PLPPR4: variants seen among roughly 807,000 people sequenced by gnomAD.
PLPPR4 encodes the protein phospholipid phosphatase-related protein type 4.
Under a neutral mutation model 56.6 loss-of-function variants are expected in PLPPR4, and 24 were observed. The ratio of observed to expected loss-of-function variants is 0.42; its 90% CI spans 0.31 to 0.60. The LOEUF is 0.60. Ranked by LOEUF, PLPPR4 falls within the 20% of genes least tolerant of loss-of-function variation. The probability of loss-of-function intolerance (pLI) is 0.13; values close to 1 mark genes in which losing one functional copy is unlikely to be tolerated. For synonymous variants in PLPPR4, 326 were observed against 328.1 expected (o/e 0.99, Z 0.07); for missense variants, 654 against 885.8 (o/e 0.74, Z 3.32).
At chr1:99,278,255 T>C (rs1182836160) in intron 1 of PLPPR4, among the ~76,000 whole-genome samples, 4 of 152,136 alleles carry the variant, frequency 2.6e-5, no homozygotes, top group Non-Finnish European at 5.9e-5. Flanking sequence ...TATAACCTTA[T>C]ACAAATCATG....
At position 99,296,744 on chromosome 1, in the gene PLPPR4, G is replaced by A; in HGVS notation, c.271G>A (p.Val91Ile). 6.3e-7 allele frequency: 1 copy of A among 1,598,070 alleles called. No individual in the cohort carries two copies. The highest frequency in any genetic ancestry group is 8.5e-7 in the Non-Finnish European group (1 of 1,169,832). The change falls in exon 3 of 7, where the codon GTA becomes ATA. Residue 91 changes from valine (V) to isoleucine (I), a missense_variant. By Grantham distance (29) the Val-to-Ile change is conservative (BLOSUM62 3). Transcript: ENST00000370185. ...TACCCTTCTATCTTTGCAGATTATG[G>A]TAGGAGAAGGAATTCTCTACTGTTG... ...AFAGPAITIMVGEGILYCCLS... is the reference protein window; with the variant it reads ...AFAGPAITIMIGEGILYCCLS...
Position 99,306,016 on chromosome 1 carries a change from C to A in PLPPR4, c.1154C>A (p.Ala385Glu), listed in dbSNP as rs765976131. 3 of 1,614,138 alleles carry A rather than the reference C, an allele frequency of 1.9e-6. No individual in the cohort carries two copies. The highest frequency in any genetic ancestry group is 1.1e-5 in the South Asian group (1 of 91,078). Residue 385 changes from alanine (A) to glutamate (E), a missense_variant, in exon 7 of 7, where the codon GCG (alanine) becomes GAG (glutamate). Around this residue, in one of 2 missense-constraint regions of PLPPR4, gnomAD observed 468 missense variants for 554.3 expected, o/e 0.84. Coordinates refer to ENST00000370185, the MANE Select transcript of PLPPR4 (RefSeq NM_014839.5). The surrounding 1 kb of genome is among the most constrained non-coding windows in gnomAD (Gnocchi z 4.0). The stretch of plus-strand genomic sequence containing the variant: ...GTAGAAGACCCTGTCAGAAGAAATG[C>A]GAGCATTCATGCCTCTATGGATTCC... ...PSVEDPVRRN[A>E]SIHASMDSAR...
In PLPPR4 at chr1:99,307,103, G is replaced by A; in HGVS notation, c.*93G>A. On this transcript the variant is annotated 3_prime_UTR_variant, in exon 7 of 7. Transcript: ENST00000370185. The stretch of plus-strand genomic sequence containing the variant: ...CCAGCGAATTGGGAAGTCTCACCAA[G>A]CTAGATTGTCTACCATCAGCCCAGA... The A allele has an allele frequency of 6.9e-7, 1 of 1,447,276 alleles. No individual in the cohort carries two copies. Among genetic ancestry groups the A allele is most frequent in the African/African-American group, 1.4e-5 (1 of 70,644 alleles). The allele number at this position is 1,447,276 out of a possible 1,614,324, so 89.7% of individuals were successfully genotyped here.
chr1:99,289,941 G>A (rs1006959290), intron 2 of PLPPR4, among the ~76,000 whole-genome samples: 9 of 152,076 alleles, frequency 5.9e-5, no homozygotes, highest in African/African-American at 1.7e-4. Context: ...TCTGGCCAGA[G>A]CAATCAGACA....
At chr1:99,274,412 C>A (rs1368729263) in intron 1 of PLPPR4, among the ~76,000 whole-genome samples, 1 of 152,040 alleles carries the variant, frequency 6.6e-6, no homozygotes, top group Non-Finnish European at 1.5e-5. Context: ...ACCAACACCC[C>A]CTCTCCCATC....
chr1:99,306,213 A>G lies in PLPPR4; in HGVS notation c.1351A>G (p.Asn451Asp). 1.2e-6 allele frequency: 2 copies of G among 1,614,124 alleles called. No individual in the cohort carries two copies. Among genetic ancestry groups the G allele is most frequent in the Non-Finnish European group, 1.7e-6 (2 of 1,180,022 alleles). The change falls in exon 7 of 7, where the codon AAT (asparagine) becomes GAT (aspartate). Residue 451 changes from asparagine (N) to aspartate (D), a missense_variant. Asn to Asp is a conservative substitution (Grantham distance 23). This residue lies in a region of PLPPR4 where 468 missense variants were observed against 554.3 expected (regional missense o/e 0.84). Coordinates refer to ENST00000370185, the MANE Select transcript of PLPPR4 (RefSeq NM_014839.5). This position sits in a 1 kb window ranked among gnomAD's most constrained non-coding sequence, Gnocchi z 4.0. ...GVNGDHHGPG[N>D]QYLKIQPGAV... ...GAATGGAGACCACCATGGTCCTGGC[A>G]ATCAGTACCTCAAAATCCAGCCTGG... is the stretch of plus-strand genomic sequence containing the variant.
chr1:99,271,943 T>TGTGA (rs140869914), intron 1 of PLPPR4, among the ~76,000 whole-genome samples: 29,008 of 126,622 alleles, frequency 0.23, 4,296 homozygotes, highest in East Asian at 0.41. Context: ...TGTGTGTGTG[T>TGTGA]GATGGAGATC....
intron 2 of PLPPR4, among the ~76,000 whole-genome samples, chr1:99,295,641 G>A (rs1005651791): frequency 8.5e-5 from 13 of 152,162 alleles, no homozygotes; most frequent in African/African-American, 3.1e-4. Context: ...TCAAATATTT[G>A]AAAGACTTTT....
chr1:99,309,142 T>C lies in PLPPR4; in HGVS notation c.*2132T>C, dbSNP rs1296240202. 1 of 152,630 alleles carries C rather than the reference T, an allele frequency of 6.6e-6. No homozygotes were observed. The highest frequency in any genetic ancestry group is 6.5e-5 in the Admixed American group (1 of 15,280). 9.5% of individuals were successfully genotyped at this position (152,630 alleles called of 1,614,324 possible). A position where few individuals can be genotyped will look rare whatever the true frequency, so the allele number is the denominator to read the frequency against. ...ATTGTACCACATTGTTAAGGACATA[T>C]AATGATAGACACTAGAACTCAGACC... On this transcript the variant is annotated 3_prime_UTR_variant, in exon 7 of 7. Transcript: ENST00000370185.
At chr1:99,283,190 C>T (rs1031043421) in intron 1 of PLPPR4, among the ~76,000 whole-genome samples, 2 of 151,982 alleles carry the variant, frequency 1.3e-5, no homozygotes, top group African/African-American at 4.8e-5. Flanking sequence ...TAAATTGGCC[C>T]TTTGTGACTA....
At chr1:99,296,130 C>T (rs1029128559) in intron 2 of PLPPR4, among the ~76,000 whole-genome samples, 4 of 152,126 alleles carry the variant, frequency 2.6e-5, no homozygotes, top group Non-Finnish European at 4.4e-5. Context: ...ATGTCTATAT[C>T]TAGGAAATAC....
chr1:99,287,728 G>A (rs1315003199), intron 1 of PLPPR4, among the ~76,000 whole-genome samples: 1 of 152,126 alleles, frequency 6.6e-6, no homozygotes, highest in Non-Finnish European at 1.5e-5. Flanking sequence ...TGGGAGGGTA[G>A]GAGTGGAGGT....
At chr1:99,281,152 TA>T (rs1193961532) in intron 1 of PLPPR4, among the ~76,000 whole-genome samples, 1 of 152,020 alleles carries the variant, frequency 6.6e-6, no homozygotes, top group Non-Finnish European at 1.5e-5. Context: ...GATGGCAATG[TA>T]AAAAAACCCC....
At chr1:99,265,156 C>T (rs1015454904) in intron 1 of PLPPR4, among the ~76,000 whole-genome samples, 7 of 107,518 alleles carry the variant, frequency 6.5e-5, no homozygotes, top group African/African-American at 2.4e-4. Context: ...CCCCCCCCCC[C>T]AAATCCTTCT....
chr1:99,290,842 G>A (rs192512627), intron 2 of PLPPR4, among the ~76,000 whole-genome samples: 7 of 151,958 alleles, frequency 4.6e-5, no homozygotes, highest in African/African-American at 1.7e-4. Context: ...TAAAAACCCT[G>A]GAAGAAAACT....
chr1:99,297,296 A>G (rs548004586), intron 3 of PLPPR4, among the ~76,000 whole-genome samples: 1 of 152,116 alleles, frequency 6.6e-6, no homozygotes, highest in Non-Finnish European at 1.5e-5. Context: ...AGAAGTTACT[A>G]CACTTTGAAA....
intron 1 of PLPPR4, among the ~76,000 whole-genome samples, chr1:99,272,904 G>C (rs1411426437): frequency 1.3e-5 from 2 of 151,898 alleles, no homozygotes; most frequent in African/African-American, 4.8e-5. Flanking sequence ...GAAGACTCAG[G>C]GAAGTCCAAA....
chr1:99,283,627 A>G (rs1659385307), intron 1 of PLPPR4, among the ~76,000 whole-genome samples: 3 of 152,156 alleles, frequency 2.0e-5, no homozygotes, highest in Non-Finnish European at 4.4e-5. Flanking sequence ...ATCCTCAGGT[A>G]ATTTCCCTCC....
At position 99,308,502 on chromosome 1, in the gene PLPPR4, A is replaced by G. The variant is rs1442451128; in HGVS notation, c.*1492A>G. 6.6e-6 allele frequency: 1 copy of G among 152,632 alleles called. No individual in the cohort carries two copies. Among genetic ancestry groups the G allele is most frequent in the African/African-American group, 2.4e-5 (1 of 41,460 alleles). The allele number at this position is 152,632 out of a possible 1,614,324, so 9.5% of individuals were successfully genotyped here. A position where few individuals can be genotyped will look rare whatever the true frequency, so the allele number is the denominator to read the frequency against. On this transcript the variant is annotated 3_prime_UTR_variant, in exon 7 of 7. Transcript: ENST00000370185. The stretch of plus-strand genomic sequence containing the variant: ...ACATACTCAGTTCTTGGAACTTAGT[A>G]TTAAACCTTTTTTATGCCATTTCAT...
Sources: allele counts gnomAD v4.1 joint callset (sites outside exome capture counted in the v4.1 genomes callset), GRCh38; gene constraint gnomAD v4.1.1; regional missense constraint gnomAD v4.1.1; non-coding constraint Gnocchi (gnomAD v3.1); transcripts MANE v1.5; gene names NCBI Gene and HGNC (gene_info 2026-07-23, HGNC 2026-07-21).